Variants in RETREG3 observed in about 807,000 individuals in gnomAD.
The protein encoded by RETREG3 is reticulophagy regulator family member 3, also known as reticulophagy regulator 3.
RETREG3 carries 23 observed loss-of-function variants against 50.2 expected under a neutral mutation model. The ratio of observed to expected loss-of-function variants is 0.46; its 90% CI spans 0.33 to 0.65. The LOEUF is 0.65. Among genes scored for constraint, RETREG3 ranks in the 30% least tolerant of loss-of-function variants. The pLI, the probability that RETREG3 is intolerant of heterozygous loss-of-function variation, is 0.02. For synonymous variants in RETREG3, 240 were observed against 234.4 expected (o/e 1.02, Z -0.22); for missense variants, 546 against 598.0 (o/e 0.91, Z 0.91).
chr17:42,596,358 TCAAAAAAAAAAAAAAAAAAAAAAA>T (rs2093144555), intron 1 of RETREG3, among the ~76,000 whole-genome samples: 1 of 37,536 alleles, frequency 2.7e-5, no homozygotes, highest in Non-Finnish European at 4.3e-5. Flanking sequence ...AGACCCTTTC[TCAAAAAAAAAAAAAAAAAAAAAAA>T]AAAAAAAAAA....
At chr17:42,591,393 T>G (rs962975210) in intron 2 of RETREG3, among the ~76,000 whole-genome samples, 2 of 151,376 alleles carry the variant, frequency 1.3e-5, no homozygotes, top group Admixed American at 1.3e-4. Context: ...GAGGCTGGAG[T>G]GCAGTGGCAC....
intron 1 of RETREG3, among the ~76,000 whole-genome samples, chr17:42,603,212 C>A (rs1481409502): frequency 1.3e-5 from 2 of 152,050 alleles, no homozygotes; most frequent in Non-Finnish European, 1.5e-5. Context: ...TACCATGGAG[C>A]CTCACTATTA....
At position 42,597,609 on chromosome 17, in the gene RETREG3, ATATATATATATTTTTTTT is replaced by A. The variant is rs1567925507; in HGVS notation, c.240-5465_240-5448del. On this transcript the variant is annotated intron_variant, in intron 1 of 8. Coordinates refer to ENST00000309428, the MANE Select transcript of RETREG3 (RefSeq NM_178126.4). ...TATATATATATATATATATATATAT[ATATATATATATTTTTTTT>A]TTTTTTTTTTTTTTTTTTTTGAGAC... 7.8e-3 allele frequency among the ~76,000 whole-genome samples: 128 copies of A among 16,400 alleles called. 4 individuals carry two copies. Among genetic ancestry groups the A allele is most frequent in the South Asian group, 0.012 (5 of 416 alleles). The allele number at this position is 16,400 out of a possible 152,430, so 10.8% of individuals were successfully genotyped here.
At chr17:42,591,847 G>A (rs1329450535) in intron 2 of RETREG3, among the ~76,000 whole-genome samples, 1 of 152,162 alleles carries the variant, frequency 6.6e-6, no homozygotes, top group Non-Finnish European at 1.5e-5. Flanking sequence ...GATTTCCTGT[G>A]CTTAGTAACA....
In RETREG3 at chr17:42,585,188, C is replaced by A. The variant is rs747116532; in HGVS notation, c.664G>T (p.Ala222Ser). The A allele has an allele frequency of 4.3e-6, 7 of 1,613,978 alleles. No homozygotes were observed. In the East Asian group the frequency reaches 8.9e-5, roughly 21 times the overall value. Reference sequence around the variant, plus strand: ...ACACTGAAGTCTAGCCGCTGCAGAGCTGGCTTCAGCCGCACATATGCTCGA... The same window carrying A: ...ACACTGAAGTCTAGCCGCTGCAGAGATGGCTTCAGCCGCACATATGCTCGA... ...WDRAYVRLKPALQRLDFSVRG... is the reference protein window; with the variant it reads ...WDRAYVRLKPSLQRLDFSVRG... Residue 222 changes from alanine to serine, a missense_variant, in exon 6 of 9, where the codon GCT (alanine) becomes TCT (serine). Transcript: ENST00000309428.
At chr17:42,597,126 G>A (rs1335095739) in intron 1 of RETREG3, among the ~76,000 whole-genome samples, 1 of 151,734 alleles carries the variant, frequency 6.6e-6, no homozygotes, top group Non-Finnish European at 1.5e-5. Flanking sequence ...CGCCCGCTTC[G>A]ACCTCCCAAA....
rs371218425 is a variant in RETREG3, at chr17:42,581,919, C to T, written c.1295G>A (p.Arg432Gln). The T allele has an allele frequency of 1.1e-5, 17 of 1,613,990 alleles. No individual in the cohort carries two copies. The highest frequency in any genetic ancestry group is 5.3e-5 in the African/African-American group (4 of 74,894). The change falls in exon 9 of 9, where the codon CGG becomes CAG. Residue 432 changes from arginine (R) to glutamine (Q), a missense_variant. Coordinates refer to ENST00000309428, the MANE Select transcript of RETREG3 (RefSeq NM_178126.4). ...PAQRATRGFL[R>Q]SPSSDLDTDA... The stretch of plus-strand genomic sequence containing the variant: ...AGTGTCCAGGTCTGAACTGGGGGAC[C>T]GGAGGAAGCCTCTCGTTGCTCTCTG...
intron 1 of RETREG3, among the ~76,000 whole-genome samples, chr17:42,597,378 G>A (rs2093147386): frequency 6.7e-6 from 1 of 148,930 alleles, no homozygotes; most frequent in Admixed American, 6.7e-5. Context: ...TAGTAGAGAC[G>A]GGGTTGCACC....
intron 1 of RETREG3, among the ~76,000 whole-genome samples, chr17:42,596,153 G>T (rs1482769847): frequency 6.6e-6 from 1 of 151,264 alleles, no homozygotes; most frequent in East Asian, 1.9e-4. Flanking sequence ...AGGATGGCTT[G>T]AGCCCAGGAG....
intron 1 of RETREG3, among the ~76,000 whole-genome samples, chr17:42,603,512 G>A (rs2093162091): frequency 6.6e-6 from 1 of 152,170 alleles, no homozygotes; most frequent in East Asian, 1.9e-4. Context: ...TCAGCTAGCT[G>A]CTAACAGTGG....
intron 6 of RETREG3, 95 bp downstream of exon 6, chr17:42,585,030 C>T: frequency 2.7e-6 from 4 of 1,493,236 alleles, no homozygotes; most frequent in Non-Finnish European, 3.6e-6. Context: ...CCCCCGACTT[C>T]CACTTTTGAG....
chr17:42,592,238 T>C (rs2093134741), intron 1 of RETREG3, 76 bp from the exon 2 acceptor site: 7 of 1,171,502 alleles, frequency 6.0e-6, no homozygotes, highest in East Asian at 2.4e-5. Context: ...GTGTGTACGA[T>C]GGGCTCTGTG....
intron 1 of RETREG3, among the ~76,000 whole-genome samples, chr17:42,606,798 AC>A (rs971043068): frequency 4.6e-5 from 7 of 151,810 alleles, no homozygotes; most frequent in African/African-American, 1.5e-4. Flanking sequence ...GGAGTTTGAG[AC>A]GAGCCTGGGC....
rs181736397 is a variant in RETREG3 at position 42,595,193 on chromosome 17, T to A, written c.240-3031A>T. On this transcript the variant is annotated intron_variant, in intron 1 of 8. Coordinates refer to ENST00000309428, the MANE Select transcript of RETREG3 (RefSeq NM_178126.4). ...CATGTTGGCCAGGATGGTCTCGATC[T>A]CTTGACCTCGTGATCTGCCTGCCTC... 4.3e-3 allele frequency among the ~76,000 whole-genome samples: 656 copies of A among 152,064 alleles called. 7 individuals carry two copies. The highest frequency in any genetic ancestry group is 0.014 in the African/African-American group (578 of 41,496).
At chr17:42,582,329 C>T in intron 8 of RETREG3, 59 bp from the exon 9 acceptor site, 1 of 1,488,168 alleles carries the variant, frequency 6.7e-7, no homozygotes, top group Non-Finnish European at 9.0e-7. Context: ...TGTGCCCCAG[C>T]CCCACATGAC....
At chr17:42,589,295 G>C (rs1246731708) in intron 2 of RETREG3, among the ~76,000 whole-genome samples, 1 of 151,282 alleles carries the variant, frequency 6.6e-6, no homozygotes, top group Middle Eastern at 3.2e-3. Context: ...AAATTAACCT[G>C]CCTAAAATCT....
At chr17:42,596,193 A>C (rs1463470857) in intron 1 of RETREG3, among the ~76,000 whole-genome samples, 1 of 149,792 alleles carries the variant, frequency 6.7e-6, no homozygotes, top group African/African-American at 2.5e-5. Context: ...ATATAGTGAG[A>C]CCCTGTCTCT....
At chr17:42,600,927 T>G (rs1047521160) in intron 1 of RETREG3, among the ~76,000 whole-genome samples, 1 of 152,134 alleles carries the variant, frequency 6.6e-6, no homozygotes, top group Non-Finnish European at 1.5e-5. Flanking sequence ...CAGTGAGCCA[T>G]GATCACACCA....
intron 1 of RETREG3, among the ~76,000 whole-genome samples, chr17:42,593,274 A>G (rs1242297214): frequency 6.6e-6 from 1 of 152,190 alleles, no homozygotes; most frequent in Non-Finnish European, 1.5e-5. Flanking sequence ...GCGGTTTAAC[A>G]TACAAAAAAA....
Sources: allele counts gnomAD v4.1 joint callset (sites outside exome capture counted in the v4.1 genomes callset), GRCh38; gene constraint gnomAD v4.1.1; transcripts MANE v1.5; gene names NCBI Gene and HGNC (gene_info 2026-07-23, HGNC 2026-07-21).